The following DNAJC15 variants were observed in gnomAD, a reference collection of about 807,000 sequenced individuals.
DNAJC15 encodes dnaJ homolog subfamily C member 15.
A neutral mutation model predicts 22.4 loss-of-function variants in DNAJC15; 27 were observed. The ratio of observed to expected loss-of-function variants is 1.20; its 90% confidence interval spans 0.89 to 1.66. The LOEUF (loss-of-function observed/expected upper bound fraction) is 1.66. Ranked by LOEUF, DNAJC15 falls within the 40% of genes most tolerant of loss-of-function variation. The probability of loss-of-function intolerance (pLI) is 0.00; values close to 1 mark genes in which losing one functional copy is unlikely to be tolerated. For missense variants in DNAJC15, 208 were observed against 187.1 expected, an observed-to-expected ratio of 1.11 and a Z score of -0.65; for synonymous variants, 79 against 63.2, an observed-to-expected ratio of 1.25 and a Z score of -1.19.
At chr13:43,068,902 A>G (rs749284979) in intron 2 of DNAJC15, 28 bp from the exon 3 acceptor site, 1 of 1,591,634 alleles carries the variant, frequency 6.3e-7, no homozygotes, top group Middle Eastern at 1.7e-4. Context: ...TAGAAAATAC[A>G]TTTGCTTTTA....
In DNAJC15 at chr13:43,025,571, TTTAA is replaced by T. The variant is rs143051653; in HGVS notation, c.108+1840_108+1843del. Among the ~76,000 whole-genome samples, 25 of 152,332 alleles carry T rather than the reference TTTAA, an allele frequency of 1.6e-4. No homozygotes were observed. In the East Asian group the frequency reaches 3.3e-3, roughly 20 times the overall value. On this transcript the variant is annotated intron_variant, in intron 1 of 5. Transcript: ENST00000379221. ...TAACTTTTAATAATCAATATAATGC[TTTAA>T]TTGAGACATAAAGGTGAAATATTTT...
intron 5 of DNAJC15, among the ~76,000 whole-genome samples, chr13:43,099,876 A>G (rs894244839): frequency 6.6e-6 from 1 of 151,224 alleles, no homozygotes; most frequent in Non-Finnish European, 1.5e-5. Flanking sequence ...CACTTATAAG[A>G]TATATTGATC....
intron 1 of DNAJC15, among the ~76,000 whole-genome samples, chr13:43,048,915 T>C (rs1192660847): frequency 6.6e-6 from 1 of 152,072 alleles, no homozygotes; most frequent in Non-Finnish European, 1.5e-5. Flanking sequence ...AATCGTCAGA[T>C]AAAATGTTTC....
At chr13:43,055,970 A>C (rs1297411810) in intron 1 of DNAJC15, among the ~76,000 whole-genome samples, 1 of 151,758 alleles carries the variant, frequency 6.6e-6, no homozygotes, top group East Asian at 1.9e-4. Flanking sequence ...ATACTTTTTT[A>C]TTTTTCATCT....
chr13:43,033,215 A>G (rs955406890), intron 1 of DNAJC15, among the ~76,000 whole-genome samples: 4 of 152,234 alleles, frequency 2.6e-5, no homozygotes, highest in African/African-American at 9.6e-5. Context: ...CACAGATCTG[A>G]ACCATATCAA....
intron 1 of DNAJC15, among the ~76,000 whole-genome samples, chr13:43,058,640 T>C (rs1311423944): frequency 1.3e-5 from 2 of 152,130 alleles, no homozygotes; most frequent in African/African-American, 4.8e-5. Context: ...CACCCCTTCC[T>C]CCATTCCTCC....
At chr13:43,084,182 G>T (rs2040676615) in intron 4 of DNAJC15, among the ~76,000 whole-genome samples, 1 of 152,126 alleles carries the variant, frequency 6.6e-6, no homozygotes, top group African/African-American at 2.4e-5. Context: ...GAGTTTAATT[G>T]GTAATAATGA....
intron 3 of DNAJC15, among the ~76,000 whole-genome samples, chr13:43,070,038 TTCATGA>T (rs2040601426): frequency 6.6e-6 from 1 of 152,210 alleles, no homozygotes; most frequent in Non-Finnish European, 1.5e-5. Flanking sequence ...CAAGTTCTAG[TTCATGA>T]TCATAAAACC....
chr13:43,049,391 A>G (rs764365935), intron 1 of DNAJC15, among the ~76,000 whole-genome samples: 1 of 152,250 alleles, frequency 6.6e-6, no homozygotes, highest in Non-Finnish European at 1.5e-5. Context: ...TGTTGTGCAT[A>G]TAAAAGAAAC....
intron 1 of DNAJC15, among the ~76,000 whole-genome samples, chr13:43,061,982 C>T (rs914730295): frequency 3.9e-5 from 6 of 152,128 alleles, no homozygotes; most frequent in African/African-American, 7.2e-5. Context: ...TTGCATGCCC[C>T]GTCTCTCACA....
At chr13:43,026,397 C>G (rs1302866857) in intron 1 of DNAJC15, among the ~76,000 whole-genome samples, 1 of 152,216 alleles carries the variant, frequency 6.6e-6, no homozygotes, top group Non-Finnish European at 1.5e-5. Flanking sequence ...CCCCCATCCA[C>G]CAAATACCCT....
At chr13:43,067,167 A>AT (rs2040588086) in intron 2 of DNAJC15, among the ~76,000 whole-genome samples, 1 of 152,222 alleles carries the variant, frequency 6.6e-6, no homozygotes, top group African/African-American at 2.4e-5. Flanking sequence ...AAGATCTGAT[A>AT]GAAAAATGAG....
At chr13:43,070,531 A>G (rs1056856666) in intron 3 of DNAJC15, among the ~76,000 whole-genome samples, 2 of 152,130 alleles carry the variant, frequency 1.3e-5, no homozygotes, top group Admixed American at 6.5e-5. Context: ...TCAGGGTAAG[A>G]GGTTAAAGAG....
intron 1 of DNAJC15, among the ~76,000 whole-genome samples, chr13:43,035,465 C>T (rs575453893): frequency 3.3e-5 from 5 of 152,156 alleles, no homozygotes; most frequent in South Asian, 2.1e-4. Flanking sequence ...TAACAATCAC[C>T]ACCACACTGA....
Position 43,113,059 on chromosome 13 carries a change from G to A in DNAJC15, c.*5811G>A, listed in dbSNP as rs917271900. ...GCAGAGTGACTTTCTTTGACTCAGA[G>A]TGATGACGGAGGAAGCTTTGATAAG... On this transcript the variant is annotated 3_prime_UTR_variant, in exon 6 of 6. Transcript: ENST00000379221. 1.3e-5 allele frequency: 2 copies of A among 152,178 alleles called. No individual in the cohort carries two copies. The highest frequency in any genetic ancestry group is 2.9e-5 in the Non-Finnish European group (2 of 68,042). 9.4% of individuals were successfully genotyped at this position (152,178 alleles called of 1,614,324 possible).
At chr13:43,038,521 G>A (rs1295497909) in intron 1 of DNAJC15, among the ~76,000 whole-genome samples, 3 of 152,118 alleles carry the variant, frequency 2.0e-5, no homozygotes, top group Non-Finnish European at 2.9e-5. Context: ...GGCCAGGTGC[G>A]GTGGCTCATG....
intron 2 of DNAJC15, among the ~76,000 whole-genome samples, chr13:43,066,434 CCTT>C (rs897510784): frequency 2.0e-5 from 3 of 152,088 alleles, no homozygotes; most frequent in Non-Finnish European, 2.9e-5. Context: ...TCACTCTCCT[CCTT>C]CTCTCTTAAA....
At chr13:43,100,607 A>G (rs538579186) in intron 5 of DNAJC15, among the ~76,000 whole-genome samples, 14 of 152,160 alleles carry the variant, frequency 9.2e-5, no homozygotes, top group African/African-American at 3.4e-4. Context: ...TTCATGTTTA[A>G]TACATTCTAT....
rs139183651 is a variant in DNAJC15 at position 43,063,657 on chromosome 13, T to TTTTC, written c.109-2028_109-2027insTTCT. 2.0e-5 allele frequency among the ~76,000 whole-genome samples: 3 copies of TTTTC among 151,500 alleles called. No homozygotes were observed. In the East Asian group the frequency reaches 5.8e-4, roughly 29 times the overall value. ...AGTCTTTTGCCCGTTTTCTATTTGG[T>TTTTC]TGTCTTTTTATTATTAATTTGGAGG... is the stretch of plus-strand genomic sequence containing the variant. On this transcript the variant is annotated intron_variant, in intron 1 of 5. Coordinates refer to ENST00000379221, the MANE Select transcript of DNAJC15 (RefSeq NM_013238.3).
Sources: allele counts gnomAD v4.1 joint callset (sites outside exome capture counted in the v4.1 genomes callset), GRCh38; gene constraint gnomAD v4.1.1; transcripts MANE v1.5; gene names NCBI Gene and HGNC (gene_info 2026-07-23, HGNC 2026-07-21).